The following DEPDC1 variants were observed in gnomAD, a reference collection of about 807,000 sequenced individuals.
DEPDC1 encodes DEP domain-containing protein 1A.
DEPDC1 carries 66 observed loss-of-function variants against 86.8 expected under a neutral mutation model. That is an observed-to-expected ratio of 0.76 (90% CI 0.62 to 0.93). The LOEUF is 0.93. DEPDC1 is among the 40% of genes least tolerant of loss of function. The pLI, the probability that DEPDC1 is intolerant of heterozygous loss-of-function variation, is 0.00. For missense variants in DEPDC1, 792 were observed against 935.7 expected, an observed-to-expected ratio of 0.85 and a Z score of 2.00; for synonymous variants, 255 against 314.9, an observed-to-expected ratio of 0.81 and a Z score of 2.02.
chr1:68,494,458 T>C lies in DEPDC1; in HGVS notation c.286A>G (p.Asn96Asp). ...AAGAGCTGGTTGTTATCATCAACAT[T>C]TTCTGATCCCCACCTCCCTTTGATA... is the stretch of plus-strand genomic sequence containing the variant. ...EDIKGRWGSE[N>D]VDDNNQLFRF... Residue 96 changes from asparagine (N) to aspartate (D), a missense_variant, in exon 2 of 12, where the codon AAT (asparagine) becomes GAT (aspartate). Transcript: ENST00000456315. 1 of 1,613,670 alleles carries C rather than the reference T, an allele frequency of 6.2e-7. No individual in the cohort carries two copies. The highest frequency in any genetic ancestry group is 8.5e-7 in the Non-Finnish European group (1 of 1,179,706).
intron 7 of DEPDC1, chr1:68,483,421 T>G (rs1163352252): frequency 6.5e-6 from 3 of 460,614 alleles, no homozygotes; most frequent in Non-Finnish European, 1.3e-5. Context: ...ACTACAACCT[T>G]GTGGGAGGAG....
At chr1:68,482,989 T>TTACTATACTAACAATATA in intron 7 of DEPDC1, 92 bp from the exon 8 acceptor site, 3 of 1,310,740 alleles carry the variant, frequency 2.3e-6, no homozygotes, top group Non-Finnish European at 3.1e-6. Context: ...AAATAAAGCA[T>TTACTATACTAACAATATA]TACTATAGTA....
rs566375684 is a variant in DEPDC1, at chr1:68,476,939, A to G, written c.2429T>C (p.Leu810Pro). ...LILRKPKFRS[L>P]R is the part of the protein sequence containing the mutation. ...AATTTTTAATTCAGTTAGTTATCTT[A>G]GACTACGGAACTTTGGTTTTCTTAA... Residue 810 changes from leucine to proline, a missense_variant, in exon 12 of 12, where the codon CTA becomes CCA. Transcript: ENST00000456315. The G allele has an allele frequency of 6.4e-5, 102 of 1,591,658 alleles. No homozygotes were observed. The highest frequency in any genetic ancestry group is 7.8e-5 in the Non-Finnish European group (91 of 1,169,550).
In DEPDC1 at chr1:68,496,514, T is replaced by C. The variant is rs1456339028; in HGVS notation, c.48+438A>G. On this transcript the variant is annotated intron_variant, in intron 1 of 11. Coordinates refer to ENST00000456315, the MANE Select transcript of DEPDC1 (RefSeq NM_001114120.3). This position sits in a 1 kb window ranked among gnomAD's most constrained non-coding sequence, Gnocchi z 4.0. ...CCTGCGTTAAATTCTATGGGTTCAA[T>C]AAACAAAATTGCCACATTCGGGCTT... is the stretch of plus-strand genomic sequence containing the variant. Among the ~76,000 whole-genome samples the C allele has an allele frequency of 2.0e-5, 3 of 152,206 alleles. No individual in the cohort carries two copies. The highest frequency in any genetic ancestry group is 2.1e-4 in the South Asian group (1 of 4,830).
rs1191780235 is a variant in DEPDC1 at position 68,488,378 on chromosome 1, T to A, written c.717A>T (p.Lys239Asn). Residue 239 changes from lysine to asparagine, a missense_variant, in exon 5 of 12, where the codon AAA (lysine) becomes AAT (asparagine). Lys to Asn is a moderately conservative substitution (Grantham distance 94). Coordinates refer to ENST00000456315, the MANE Select transcript of DEPDC1 (RefSeq NM_001114120.3). ...SKRGVVILQN[K>N]SDDLPHWVLS... The stretch of plus-strand genomic sequence containing the variant: ...AATTATTTTATTAATACCAACCTGA[T>A]TTGTTTTGTAGTATAACTACTCCAC... 5.1e-6 allele frequency: 8 copies of A among 1,579,238 alleles called. No homozygotes were observed. In the African/African-American group the frequency reaches 1.1e-4, roughly 22 times the overall value.
At chr1:68,494,726 A>T in intron 1 of DEPDC1, 31 bp from the exon 2 acceptor site, 1 of 1,560,422 alleles carries the variant, frequency 6.4e-7, no homozygotes, top group Non-Finnish European at 8.7e-7. Context: ...TTTTTAAAAA[A>T]TTGAAGAAAA....
chr1:68,492,424 A>C (rs1391156918), intron 2 of DEPDC1, among the ~76,000 whole-genome samples: 1 of 152,014 alleles, frequency 6.6e-6, no homozygotes, highest in Non-Finnish European at 1.5e-5. Flanking sequence ...AGACTAGGAG[A>C]GGCCGGGCGT....
At chr1:68,484,937 C>CATGTATATATAT (rs72039006) in intron 6 of DEPDC1, among the ~76,000 whole-genome samples, 1 of 147,744 alleles carries the variant, frequency 6.8e-6, no homozygotes, top group Non-Finnish European at 1.5e-5. Flanking sequence ...CTTCTGGAGG[C>CATGTATATATAT]ATATATATAT....
At position 68,476,482 on chromosome 1, in the gene DEPDC1, T is replaced by G. The variant is rs547706534; in HGVS notation, c.*450A>C. ...TGCAACATTTGGCAGCTGAGAATTATTTCATTGAGTTTTCAAATATTCTTC... is the reference window on the plus strand; with the variant it reads ...TGCAACATTTGGCAGCTGAGAATTAGTTCATTGAGTTTTCAAATATTCTTC... On this transcript the variant is annotated 3_prime_UTR_variant, in exon 12 of 12. Coordinates refer to ENST00000456315, the MANE Select transcript of DEPDC1 (RefSeq NM_001114120.3). The G allele has an allele frequency of 1.5e-4, 23 of 152,142 alleles. No homozygotes were observed. In the South Asian group the frequency reaches 4.1e-3, roughly 27 times the overall value. 9.4% of individuals were successfully genotyped at this position (152,142 alleles called of 1,614,324 possible).
Position 68,479,233 on chromosome 1 carries a change from A to C in DEPDC1, c.2023T>G (p.Leu675Val). Residue 675 changes from leucine (L) to valine (V), a missense_variant, in exon 10 of 12, where the codon TTA becomes GTA. Coordinates refer to ENST00000456315, the MANE Select transcript of DEPDC1 (RefSeq NM_001114120.3). Reference protein sequence around the residue: ...ELLAGRLVSFLMDHHQEILQV... With the variant: ...ELLAGRLVSFVMDHHQEILQV... Reference sequence around the variant, plus strand: ...AGAATTTCCTGATGATGATCCATTAAGAAAGAAACTAATCTTCCAGCAAGA... The same window carrying C: ...AGAATTTCCTGATGATGATCCATTACGAAAGAAACTAATCTTCCAGCAAGA... 1.2e-6 allele frequency: 2 copies of C among 1,612,650 alleles called. No individual in the cohort carries two copies. Among genetic ancestry groups the C allele is most frequent in the Non-Finnish European group, 1.7e-6 (2 of 1,179,236 alleles).
chr1:68,478,386 C>A (rs1646131448), intron 10 of DEPDC1, among the ~76,000 whole-genome samples: 1 of 151,288 alleles, frequency 6.6e-6, no homozygotes, highest in Non-Finnish European at 1.5e-5. Context: ...AATGTTCTGA[C>A]AGTGCAGGTA....
In DEPDC1 at chr1:68,496,829, C is replaced by T; in HGVS notation, c.48+123G>A. 1.0e-6 allele frequency: 1 copy of T among 958,400 alleles called. No homozygotes were observed. The highest frequency in any genetic ancestry group is 1.5e-5 in the South Asian group (1 of 66,266). 59.4% of individuals were successfully genotyped at this position (958,400 alleles called of 1,614,324 possible). A position where few individuals can be genotyped will look rare whatever the true frequency, so the allele number is the denominator to read the frequency against. ...TCTCCTCGCCAGCCTTTTCACTGAA[C>T]CTAGGGATCCTGGGACTCATCCCTC... is the stretch of plus-strand genomic sequence containing the variant. On this transcript the variant is annotated intron_variant, in intron 1 of 11. Transcript: ENST00000456315. This position sits in a 1 kb window ranked among gnomAD's most constrained non-coding sequence, Gnocchi z 4.0.
intron 4 of DEPDC1, 69 bp downstream of exon 4, chr1:68,488,847 T>C (rs1646210553): frequency 1.0e-6 from 1 of 999,704 alleles, no homozygotes. Flanking sequence ...ATTTGCATAT[T>C]TTGATGAAAA....
chr1:68,485,854 G>A (rs1317519334), intron 6 of DEPDC1, among the ~76,000 whole-genome samples: 1 of 151,856 alleles, frequency 6.6e-6, no homozygotes. Context: ...GGAATATAAA[G>A]TTACCCTGAA....
At chr1:68,491,503 AC>A (rs1269706943) in intron 2 of DEPDC1, among the ~76,000 whole-genome samples, 1 of 152,206 alleles carries the variant, frequency 6.6e-6, no homozygotes, top group East Asian at 1.9e-4. Context: ...CTATTAAAAA[AC>A]AAAAAAATAA....
At position 68,496,258 on chromosome 1, in the gene DEPDC1, A is replaced by G. The variant is rs1236964513; in HGVS notation, c.48+694T>C. 1.3e-5 allele frequency among the ~76,000 whole-genome samples: 2 copies of G among 152,238 alleles called. No individual in the cohort carries two copies. The highest frequency in any genetic ancestry group is 4.8e-5 in the African/African-American group (2 of 41,454). Reference sequence around the variant, plus strand: ...GGGAAACCCCTTAAGGCAAGCATGTATTAGTAACCTTTACCAATGTGGAAA... The same window carrying G: ...GGGAAACCCCTTAAGGCAAGCATGTGTTAGTAACCTTTACCAATGTGGAAA... On this transcript the variant is annotated intron_variant, in intron 1 of 11. Coordinates refer to ENST00000456315, the MANE Select transcript of DEPDC1 (RefSeq NM_001114120.3). The surrounding 1 kb of genome is among the most constrained non-coding windows in gnomAD (Gnocchi z 4.0).
At chr1:68,494,968 C>T (rs1646255352) in intron 1 of DEPDC1, among the ~76,000 whole-genome samples, 1 of 152,114 alleles carries the variant, frequency 6.6e-6, no homozygotes, top group Non-Finnish European at 1.5e-5. Context: ...TATGGAGAAA[C>T]TCCGTCTCTA....
chr1:68,476,821 T>A lies in DEPDC1; in HGVS notation c.*111A>T, dbSNP rs981635272. 3 of 989,658 alleles carry A rather than the reference T, an allele frequency of 3.0e-6. No individual in the cohort carries two copies. The African/African-American group carries it at 5.0e-5, about 16-fold the overall frequency. The allele number at this position is 989,658 out of a possible 1,614,324, so 61.3% of individuals were successfully genotyped here. A position where few individuals can be genotyped will look rare whatever the true frequency, so the allele number is the denominator to read the frequency against. On this transcript the variant is annotated 3_prime_UTR_variant, in exon 12 of 12. Coordinates refer to ENST00000456315, the MANE Select transcript of DEPDC1 (RefSeq NM_001114120.3). ...TTGGCACTTCCTTACATAATGTGTT[T>A]ATTTAGAAATACCTTATTAATGACA... is the stretch of plus-strand genomic sequence containing the variant.
At position 68,492,775 on chromosome 1, in the gene DEPDC1, G is replaced by T. The variant is rs145054072; in HGVS notation, c.314+1655C>A. ...GAAGATTCATCTTGGAGAGAGATGT[G>T]TACAGATCAGAGAACTACTTAGGGA... On this transcript the variant is annotated intron_variant, in intron 2 of 11. Transcript: ENST00000456315. Among the ~76,000 whole-genome samples, 41 of 152,260 alleles carry T rather than the reference G, an allele frequency of 2.7e-4. No individual in the cohort carries two copies. In the East Asian group the frequency reaches 5.8e-3, roughly 22 times the overall value.
Sources: gnomAD v4.1 joint callset for allele counts (sites outside exome capture counted in the v4.1 genomes callset) on GRCh38, gnomAD v4.1.1 for gene constraint, Gnocchi (gnomAD v3.1) non-coding constraint, MANE v1.5 for transcripts, NCBI Gene and HGNC (gene_info 2026-07-23, HGNC 2026-07-21) for gene names.